The following RIMBP2 variants were observed in gnomAD, a reference collection of about 807,000 sequenced individuals.
RIMBP2 encodes the protein RIMS-binding protein 2.
A neutral mutation model predicts 118.6 loss-of-function variants in RIMBP2; 48 were observed. The ratio of observed to expected loss-of-function variants is 0.40; its 90% CI spans 0.32 to 0.51. The LOEUF (loss-of-function observed/expected upper bound fraction) is 0.51, where lower values mean the gene tolerates loss of function less well. RIMBP2 is among the 20% of genes least tolerant of loss of function. The pLI is 0.41. For synonymous variants in RIMBP2, 762 were observed against 742.9 expected, an observed-to-expected ratio of 1.03 and a Z score of -0.42; for missense variants, 1,551 against 1,768.3, an observed-to-expected ratio of 0.88 and a Z score of 2.20.
intron 12 of RIMBP2, 31 bp downstream of exon 12, chr12:130,438,334 A>ATCCGGGGGGGGGCCCC: frequency 7.4e-7 from 1 of 1,344,518 alleles, no homozygotes; most frequent in Non-Finnish European, 1.1e-6. Flanking sequence ...GGGCCTAACA[A>ATCCGGGGGGGGGCCCC]ACCCTCCCCA....
chr12:130,603,794 C>A (rs2060004045), intron 2 of RIMBP2, among the ~76,000 whole-genome samples: 1 of 152,208 alleles, frequency 6.6e-6, no homozygotes, highest in Admixed American at 6.5e-5. Context: ...AACAAACCCA[C>A]TGCACCGCCA....
intron 1 of RIMBP2, among the ~76,000 whole-genome samples, chr12:130,634,477 AG>A (rs2062217405): frequency 6.6e-6 from 1 of 152,168 alleles, no homozygotes; most frequent in African/African-American, 2.4e-5. Flanking sequence ...TCACACCCGA[AG>A]TCTCTGACTG....
chr12:130,509,735 C>A (rs1208975544), intron 3 of RIMBP2, among the ~76,000 whole-genome samples: 1 of 151,030 alleles, frequency 6.6e-6, no homozygotes, highest in Non-Finnish European at 1.5e-5. Context: ...TGCCCCCCCG[C>A]CCCGGCAACA....
chr12:130,714,945 C>A (rs911797109), intron 1 of RIMBP2, among the ~76,000 whole-genome samples: 1 of 152,224 alleles, frequency 6.6e-6, no homozygotes, highest in Non-Finnish European at 1.5e-5. Flanking sequence ...GAGCCTTCCC[C>A]CACTGTTCCC....
intron 2 of RIMBP2, among the ~76,000 whole-genome samples, chr12:130,627,427 C>T (rs1018346840): frequency 2.6e-5 from 4 of 152,344 alleles, no homozygotes; most frequent in African/African-American, 7.2e-5. Flanking sequence ...GTTCAGATCA[C>T]ACCTCTGCAC....
chr12:130,439,754 G>T (rs1317591963), intron 11 of RIMBP2, among the ~76,000 whole-genome samples: 1 of 133,790 alleles, frequency 7.5e-6, no homozygotes, highest in Non-Finnish European at 1.6e-5. Context: ...GGTCTGTGGG[G>T]GTGTCTGTGT....
intron 2 of RIMBP2, among the ~76,000 whole-genome samples, chr12:130,571,676 G>A (rs961335693): frequency 7.2e-5 from 11 of 152,048 alleles, no homozygotes; most frequent in African/African-American, 2.7e-4. Context: ...CAGACAGTTG[G>A]CACCACCTGC....
In RIMBP2 at chr12:130,424,571, G is replaced by C. The variant is rs1018622722; in HGVS notation, c.2700C>G (p.Phe900Leu). 19 of 1,231,984 alleles carry C rather than the reference G, an allele frequency of 1.5e-5. No individual in the cohort carries two copies. Among genetic ancestry groups the C allele is most frequent in the Non-Finnish European group, 1.8e-5 (18 of 987,852 alleles). The allele number at this position is 1,231,984 out of a possible 1,614,324, so 76.3% of individuals were successfully genotyped here. A position where few individuals can be genotyped will look rare whatever the true frequency, so the allele number is the denominator to read the frequency against. Reference protein sequence around the residue: ...GSGAVPHVEDFLLEDRGCRFS... With the variant: ...GSGAVPHVEDLLLEDRGCRFS... ...ACCGACAGCCCCTGTCTTCCAGAAG[G>C]AAGTCCTCCACGTGGGGGACGGCCC... The change falls in exon 16 of 23, where the codon TTC (phenylalanine) becomes TTG (leucine). Residue 900 changes from phenylalanine (F) to leucine (L), a missense_variant. Physicochemically the swap from Phe to Leu is conservative, Grantham distance 22 (BLOSUM62 0). Around this residue, in one of 5 missense-constraint regions of RIMBP2, gnomAD observed 1,038 missense variants for 1,125.1 expected, o/e 0.92. Coordinates refer to ENST00000690449, the MANE Select transcript of RIMBP2 (RefSeq NM_001393629.1). This position sits in a 1 kb window ranked among gnomAD's most constrained non-coding sequence, Gnocchi z 9.8.
rs2052659108 is a variant in RIMBP2 at position 130,525,318 on chromosome 12, G to C, written c.-216-7401C>G. ...GCGGGCATCTCCGTGACCTCCAGGA[G>C]AGGCTCTGGTGATGGGATAAGCAGA... On this transcript the variant is annotated intron_variant, in intron 2 of 22. Transcript: ENST00000690449. This position sits in a 1 kb window ranked among gnomAD's most constrained non-coding sequence, Gnocchi z 4.4. Among the ~76,000 whole-genome samples, 1 of 152,208 alleles carries C rather than the reference G, an allele frequency of 6.6e-6. No individual in the cohort carries two copies. Among genetic ancestry groups the C allele is most frequent in the African/African-American group, 2.4e-5 (1 of 41,460 alleles).
intron 14 of RIMBP2, among the ~76,000 whole-genome samples, chr12:130,432,729 G>A (rs1566022373): frequency 6.6e-6 from 1 of 152,194 alleles, no homozygotes; most frequent in Admixed American, 6.5e-5. Flanking sequence ...CAGCCCTGCT[G>A]GTGCCTCGGC....
At chr12:130,519,403 G>A (rs756229788) in intron 2 of RIMBP2, among the ~76,000 whole-genome samples, 6 of 152,218 alleles carry the variant, frequency 3.9e-5, no homozygotes, top group Admixed American at 6.5e-5. Context: ...CATAAAAGAC[G>A]GTGGTGCTTT....
intron 5 of RIMBP2, among the ~76,000 whole-genome samples, chr12:130,478,430 G>C (rs1367431617): frequency 6.6e-6 from 1 of 152,140 alleles, no homozygotes; most frequent in Non-Finnish European, 1.5e-5. Flanking sequence ...ATCACCCTTA[G>C]GTGGGCATCA....
In RIMBP2 at chr12:130,688,481, C is replaced by A. The variant is rs2065162778; in HGVS notation, c.-352+27741G>T. Among the ~76,000 whole-genome samples, 1 of 152,182 alleles carries A rather than the reference C, an allele frequency of 6.6e-6. No homozygotes were observed. The highest frequency in any genetic ancestry group is 2.4e-5 in the African/African-American group (1 of 41,454). ...AATTGACATTGAGTGAACATACACACCACTGTCCCTCCGTGGGGGCGGCCA... is the reference window on the plus strand; with the variant it reads ...AATTGACATTGAGTGAACATACACAACACTGTCCCTCCGTGGGGGCGGCCA... On this transcript the variant is annotated intron_variant, in intron 1 of 22. Coordinates refer to ENST00000690449, the MANE Select transcript of RIMBP2 (RefSeq NM_001393629.1). The surrounding 1 kb of genome is among the most constrained non-coding windows in gnomAD (Gnocchi z 4.7).
At chr12:130,418,972 A>C (rs2076259643) in intron 17 of RIMBP2, among the ~76,000 whole-genome samples, 1 of 152,184 alleles carries the variant, frequency 6.6e-6, no homozygotes, top group Non-Finnish European at 1.5e-5. Context: ...TTTGGGGGGA[A>C]GACAGGTGTG....
At position 130,450,964 on chromosome 12, in the gene RIMBP2, T is replaced by TG. The variant is rs1257445475; in HGVS notation, c.504+230dup. Among the ~76,000 whole-genome samples, 1 of 152,226 alleles carries TG rather than the reference T, an allele frequency of 6.6e-6. No homozygotes were observed. Among genetic ancestry groups the TG allele is most frequent in the Non-Finnish European group, 1.5e-5 (1 of 68,040 alleles). On this transcript the variant is annotated intron_variant, in intron 8 of 22. Transcript: ENST00000690449. This position sits in a 1 kb window ranked among gnomAD's most constrained non-coding sequence, Gnocchi z 4.8. ...GCTTTTCTAAACGCTGCCTCGCCAG[T>TG]GTTCTCTCTGCTCCCCCTTAGAACA...
At chr12:130,437,717 G>A (rs2077641382) in intron 12 of RIMBP2, among the ~76,000 whole-genome samples, 1 of 152,208 alleles carries the variant, frequency 6.6e-6, no homozygotes, top group Non-Finnish European at 1.5e-5. Flanking sequence ...GCAGGGGCCA[G>A]GGCCCATGCT....
At chr12:130,650,139 C>A (rs2063169075) in intron 1 of RIMBP2, among the ~76,000 whole-genome samples, 1 of 152,034 alleles carries the variant, frequency 6.6e-6, no homozygotes, top group African/African-American at 2.4e-5. Context: ...CAGAAAATTG[C>A]GGCTGCTGCC....
At chr12:130,637,314 G>A (rs1012642841) in intron 1 of RIMBP2, among the ~76,000 whole-genome samples, 1 of 152,170 alleles carries the variant, frequency 6.6e-6, no homozygotes, top group Non-Finnish European at 1.5e-5. Flanking sequence ...GTCCTTGTTG[G>A]TCTCACAGCC....
chr12:130,707,802 C>G (rs1297774775), intron 1 of RIMBP2, among the ~76,000 whole-genome samples: 1 of 152,034 alleles, frequency 6.6e-6, no homozygotes, highest in Non-Finnish European at 1.5e-5. Context: ...AGCTCAGAAT[C>G]AGGATGTGAA....
Sources: gnomAD v4.1 joint callset for allele counts (sites outside exome capture counted in the v4.1 genomes callset) on GRCh38, gnomAD v4.1.1 for gene constraint, gnomAD v4.1.1 regional missense constraint, Gnocchi (gnomAD v3.1) non-coding constraint, MANE v1.5 for transcripts, NCBI Gene and HGNC (gene_info 2026-07-23, HGNC 2026-07-21) for gene names.